The following FBN1 variants were observed in gnomAD, a reference collection of about 807,000 sequenced individuals.
FBN1 encodes fibrillin 1.
Under a neutral mutation model 365.1 loss-of-function variants are expected in FBN1, and 29 were observed. The observed-to-expected ratio is 0.08, with a 90% CI of 0.06 to 0.11. The LOEUF (loss-of-function observed/expected upper bound fraction) is 0.11, where lower values mean the gene tolerates loss of function less well. Ranked by LOEUF, FBN1 falls within the 10% of genes least tolerant of loss-of-function variation. The pLI, the probability that FBN1 is intolerant of heterozygous loss-of-function variation, is 1.00. For synonymous variants in FBN1, 1,210 were observed against 1,270.5 expected, an observed-to-expected ratio of 0.95 and a Z score of 1.01; for missense variants, 2,476 against 3,703.2, an observed-to-expected ratio of 0.67 and a Z score of 8.60.
intron 61 of FBN1, 109 bp from the exon 62 acceptor site, chr15:48,421,795 C>T (rs2042944470): frequency 7.5e-7 from 1 of 1,338,640 alleles, no homozygotes; most frequent in Non-Finnish European, 1.1e-6. Context: ...ATAAGGCCAA[C>T]AACGCTTCAC....
chr15:48,582,536 T>C (rs918634862), intron 6 of FBN1, among the ~76,000 whole-genome samples: 1 of 152,236 alleles, frequency 6.6e-6, no homozygotes, highest in African/African-American at 2.4e-5. Flanking sequence ...GTTGTTGTTA[T>C]TGTTCACGTA....
At chr15:48,506,149 G>T (rs2043705799) in intron 15 of FBN1, among the ~76,000 whole-genome samples, 2 of 152,178 alleles carry the variant, frequency 1.3e-5, no homozygotes, top group African/African-American at 4.8e-5. Flanking sequence ...CTTGAACCCA[G>T]GAAGCAGAGG....
intron 9 of FBN1, among the ~76,000 whole-genome samples, chr15:48,522,274 ATTAAT>A (rs1245154486): frequency 3.9e-5 from 6 of 152,100 alleles, no homozygotes; most frequent in Non-Finnish European, 8.8e-5. Context: ...ACTTGTATTA[ATTAAT>A]TTAATACACT....
At chr15:48,568,616 A>G (rs1242756706) in intron 6 of FBN1, among the ~76,000 whole-genome samples, 2 of 152,244 alleles carry the variant, frequency 1.3e-5, no homozygotes, top group Middle Eastern at 6.8e-3. Context: ...ACAGTAATCA[A>G]GAGACTATGG....
At chr15:48,433,111 T>A in intron 54 of FBN1, 123 bp from the exon 55 acceptor site, 1 of 977,644 alleles carries the variant, frequency 1.0e-6, no homozygotes, top group Non-Finnish European at 1.6e-6. Flanking sequence ...TAAACATGGA[T>A]GGATCAAGTG....
Position 48,644,951 on chromosome 15 carries a change from C to T in FBN1, c.-181-1G>A. On this transcript the variant is annotated splice_acceptor_variant, in intron 1 of 65. Coordinates refer to ENST00000316623, the MANE Select transcript of FBN1 (RefSeq NM_000138.5). LOFTEE classifies it low-confidence loss of function (5UTR_SPLICE). ...TCCCACTTCAGGCGGCCCCTGCCAG[C>T]TGCAACACAGAGACAAATCCCCGAG... The T allele has an allele frequency of 2.2e-6, 1 of 453,246 alleles. No homozygotes were observed. The highest frequency in any genetic ancestry group is 3.5e-6 in the Non-Finnish European group (1 of 284,154). 28.1% of individuals were successfully genotyped at this position (453,246 alleles called of 1,614,324 possible). A position where few individuals can be genotyped will look rare whatever the true frequency, so the allele number is the denominator to read the frequency against.
chr15:48,556,567 T>A (rs764000966), intron 6 of FBN1, among the ~76,000 whole-genome samples: 1 of 152,228 alleles, frequency 6.6e-6, no homozygotes, highest in Non-Finnish European at 1.5e-5. Context: ...GAAATCATTT[T>A]CTTTGAAACC....
chr15:48,472,345 TG>T (rs2043382915), intron 35 of FBN1, among the ~76,000 whole-genome samples: 1 of 151,832 alleles, frequency 6.6e-6, no homozygotes, highest in Non-Finnish European at 1.5e-5. Context: ...GTACAGCTTG[TG>T]GCCAGTCAGC....
At chr15:48,520,410 C>A (rs967990642) in intron 10 of FBN1, among the ~76,000 whole-genome samples, 1 of 152,090 alleles carries the variant, frequency 6.6e-6, no homozygotes, top group African/African-American at 2.4e-5. Context: ...AGTACTTCCC[C>A]AAAAGGTTTC....
intron 6 of FBN1, among the ~76,000 whole-genome samples, chr15:48,578,981 A>G (rs1329599675): frequency 6.7e-6 from 1 of 149,834 alleles, no homozygotes; most frequent in Non-Finnish European, 1.5e-5. Flanking sequence ...CAATGTGCAC[A>G]TGTACCCTAA....
chr15:48,447,769 C>G, intron 46 of FBN1, among the ~76,000 whole-genome samples: 1 of 152,112 alleles, frequency 6.6e-6, no homozygotes, highest in Admixed American at 6.5e-5. Flanking sequence ...GATAAATGAT[C>G]TGTGATTCCT....
In FBN1 at chr15:48,411,127, A is replaced by G; in HGVS notation, c.8479T>C (p.Tyr2827His). The G allele has an allele frequency of 6.2e-7, 1 of 1,614,164 alleles. No individual in the cohort carries two copies. Among genetic ancestry groups the G allele is most frequent in the Non-Finnish European group, 8.5e-7 (1 of 1,180,024 alleles). The change falls in exon 66 of 66, where the codon TAT becomes CAT. Residue 2827 changes from tyrosine to histidine, a missense_variant. Coordinates refer to ENST00000316623, the MANE Select transcript of FBN1 (RefSeq NM_000138.5). ...GGAGTACTACTGATTTGTAATGAAT[A>G]GGTTCCAGCCACTGGCTTCTTCTTT... ...FTKKKPVAGT[Y>H]SLQISSTPLY...
intron 6 of FBN1, among the ~76,000 whole-genome samples, chr15:48,561,111 G>T (rs60400395): frequency 0.077 from 11,746 of 152,224 alleles, 1,593 homozygotes; most frequent in African/African-American, 0.27. Flanking sequence ...GTGATGAGTG[G>T]TCTGTCAGGG....
chr15:48,578,389 G>A (rs180737737), intron 6 of FBN1, among the ~76,000 whole-genome samples: 1 of 152,178 alleles, frequency 6.6e-6, no homozygotes, highest in South Asian at 2.1e-4. Context: ...GGATCCACTA[G>A]AAGTGTCTGT....
intron 6 of FBN1, among the ~76,000 whole-genome samples, chr15:48,554,106 T>C (rs1024810462): frequency 5.3e-5 from 8 of 152,192 alleles, no homozygotes; most frequent in Non-Finnish European, 1.2e-4. Context: ...AGCTGTGCTT[T>C]CCCCACTACT....
chr15:48,556,653 G>A (rs1022462828), intron 6 of FBN1, among the ~76,000 whole-genome samples: 7 of 152,190 alleles, frequency 4.6e-5, no homozygotes, highest in Admixed American at 2.6e-4. Context: ...ACTCCTCATA[G>A]TGAACATAGT....
intron 6 of FBN1, among the ~76,000 whole-genome samples, chr15:48,542,637 T>C (rs1213734429): frequency 1.3e-5 from 2 of 152,144 alleles, no homozygotes; most frequent in Non-Finnish European, 2.9e-5. Context: ...GGGGGAGCTT[T>C]TGTAAAATGC....
rs869025403 is a variant in FBN1 at position 48,610,736 on chromosome 15, G to A, written c.338C>T (p.Ser113Phe). The change falls in exon 4 of 66, where the codon TCC (serine) becomes TTC (phenylalanine). Residue 113 changes from serine (S) to phenylalanine (F), a missense_variant. By Grantham distance (155) the Ser-to-Phe change is radical. Transcript: ENST00000316623. ...PSGQIAPSCG[S>F]RSIQHCNIRC... ...TGACATGTTAGACTTACTGGATCTG[G>A]AGCCACAGGAAGGAGCTATCTGACC... 1.9e-6 allele frequency: 3 copies of A among 1,612,274 alleles called. No individual in the cohort carries two copies. Among genetic ancestry groups the A allele is most frequent in the Non-Finnish European group, 2.5e-6 (3 of 1,178,374 alleles).
In FBN1 at chr15:48,424,487, T is replaced by C. The variant is rs1452149160; in HGVS notation, c.7453+882A>G. Among the ~76,000 whole-genome samples the C allele has an allele frequency of 2.0e-5, 3 of 152,222 alleles. No homozygotes were observed. The East Asian group carries it at 5.8e-4, about 29-fold the overall frequency. On this transcript the variant is annotated intron_variant, in intron 60 of 65. Coordinates refer to ENST00000316623, the MANE Select transcript of FBN1 (RefSeq NM_000138.5). ...TTCAGTGGTACACACAGCTGCATCA[T>C]TCATTTGATATTTAGTTATATATAC... is the stretch of plus-strand genomic sequence containing the variant.
Sources: allele counts gnomAD v4.1 joint callset (sites outside exome capture counted in the v4.1 genomes callset), GRCh38; gene constraint gnomAD v4.1.1; transcripts MANE v1.5; gene names NCBI Gene and HGNC (gene_info 2026-07-23, HGNC 2026-07-21).